Variants in TRMT2B observed in about 807,000 individuals in gnomAD.
The protein encoded by TRMT2B is tRNA methyltransferase 2B.
In TRMT2B, 34 loss-of-function variants were observed where a neutral mutation model predicts 39.7. The ratio of observed to expected loss-of-function variants is 0.86; its 90% CI spans 0.65 to 1.14. The LOEUF is 1.14. TRMT2B is among the 50% of genes most tolerant of loss of function. TRMT2B has a pLI of 0.00. For missense variants in TRMT2B, 318 were observed against 377.2 expected (o/e 0.84, Z 1.30); for synonymous variants, 132 against 137.3 (o/e 0.96, Z 0.27).
chrX:100,987,413 C>T, the TRMT2B span: 4 of 1,210,864 alleles, frequency 3.3e-6, no homozygotes, highest in Non-Finnish European at 4.5e-6. Context: ...CCATCAGAAA[C>T]CTTGAAAGAA....
the TRMT2B span, chrX:100,985,819 G>A: frequency 3.3e-6 from 4 of 1,209,665 alleles, no homozygotes; most frequent in South Asian, 1.8e-5. Context: ...GCTTGTTTTC[G>A]TCCTGGATTC....
rs2086785100 is a variant in TRMT2B, at chrX:101,021,181, G to A, written c.986C>T (p.Ala329Val). 1 of 1,210,956 alleles carries A rather than the reference G, an allele frequency of 8.3e-7. No homozygotes were observed. The highest frequency in any genetic ancestry group is 1.8e-5 in the South Asian group (1 of 56,964). ...DAFFQINTAG[A>V]EMLYRTVGEL... ...CCCCACAGTCCGATACAGCATCTCT[G>A]CACCAGCTGTGTTAATCTGGAAAAA... Residue 329 changes from alanine (A) to valine (V), a missense_variant, in exon 10 of 14, where the codon GCA becomes GTA. By Grantham distance (64) the Ala-to-Val change is moderately conservative. Coordinates refer to ENST00000372936, the MANE Select transcript of TRMT2B (RefSeq NM_024917.6).
At chrX:100,980,844 G>T in the TRMT2B span, among the ~76,000 whole-genome samples, 1 of 111,664 alleles carries the variant, frequency 9.0e-6, no homozygotes, top group Non-Finnish European at 1.9e-5. Flanking sequence ...TCCTTTCAGG[G>T]CACTGGGTTC....
rs1247918870 is a variant in TRMT2B at position 101,045,369 on chromosome X, G to A, written c.-23-3057C>T. On this transcript the variant is annotated intron_variant, in intron 2 of 13. Transcript: ENST00000372936. ...CTCGGGAGGCTGAGGCAGGAGAATC[G>A]CTTGAACTCAGGAGGCGGAGGTTGC... 7.6e-5 allele frequency among the ~76,000 whole-genome samples: 8 copies of A among 104,692 alleles called. No individual in the cohort carries two copies. The East Asian group carries it at 1.2e-3, about 16-fold the overall frequency. 90.9% of individuals were successfully genotyped at this position (104,692 alleles called of 115,157 possible). A position where few individuals can be genotyped will look rare whatever the true frequency, so the allele number is the denominator to read the frequency against.
At chrX:100,984,900 G>T in the TRMT2B span, among the ~76,000 whole-genome samples, 2 of 112,140 alleles carry the variant, frequency 1.8e-5, no homozygotes, top group Non-Finnish European at 1.9e-5. Flanking sequence ...TTGGCATCAT[G>T]AATGTAATGG....
At chrX:101,018,574 C>T (rs981197786) in intron 13 of TRMT2B, among the ~76,000 whole-genome samples, 45 of 109,500 alleles carry the variant, frequency 4.1e-4, no homozygotes, top group African/African-American at 1.3e-3. Flanking sequence ...CTCAACCACC[C>T]GAGTAGCTGG....
At chrX:101,023,991 A>G (rs533090428) in intron 7 of TRMT2B, among the ~76,000 whole-genome samples, 1 of 110,967 alleles carries the variant, frequency 9.0e-6, no homozygotes, top group South Asian at 3.9e-4. Context: ...GGGATCACAG[A>G]TGCCCACCAC....
At chrX:101,000,112 TGA>T in the TRMT2B span, among the ~76,000 whole-genome samples, 2 of 94,490 alleles carry the variant, frequency 2.1e-5, no homozygotes, top group African/African-American at 8.3e-5. Context: ...CTCACATGTA[TGA>T]GAGTTAATTT....
chrX:101,047,611 C>T (rs1039583879), intron 2 of TRMT2B, among the ~76,000 whole-genome samples: 1 of 109,771 alleles, frequency 9.1e-6, no homozygotes, highest in Non-Finnish European at 1.9e-5. Flanking sequence ...GTAGGCGGAT[C>T]ACCTGAGGTC....
the TRMT2B span, among the ~76,000 whole-genome samples, chrX:100,978,082 T>C: frequency 3.6e-5 from 4 of 112,523 alleles, no homozygotes; most frequent in Non-Finnish European, 7.5e-5. Flanking sequence ...GGAACTTTCA[T>C]AGTGGAACAT....
chrX:101,030,451 A>ATTTTTTTTTTTTTT lies in TRMT2B; in HGVS notation c.609+5161_609+5162insAAAAAAAAAAAAAA, dbSNP rs1248355991. On this transcript the variant is annotated intron_variant, in intron 7 of 13. Transcript: ENST00000372936. The stretch of plus-strand genomic sequence containing the variant: ...GCAGGAAAAGCCTATATAGATCTGC[A>ATTTTTTTTTTTTTT]TTCTTTTTTTTTTTTTTCAGATGGA... Among the ~76,000 whole-genome samples the ATTTTTTTTTTTTTT allele has an allele frequency of 2.4e-3, 110 of 46,461 alleles. 4 individuals are homozygous for ATTTTTTTTTTTTTT. The highest frequency in any genetic ancestry group is 3.3e-3 in the Non-Finnish European group (83 of 25,428). 40.3% of individuals were successfully genotyped at this position (46,461 alleles called of 115,157 possible). A position where few individuals can be genotyped will look rare whatever the true frequency, so the allele number is the denominator to read the frequency against.
At chrX:101,015,239 G>A (rs942363522) in intron 13 of TRMT2B, among the ~76,000 whole-genome samples, 1 of 111,348 alleles carries the variant, frequency 9.0e-6, no homozygotes, top group African/African-American at 3.3e-5. Flanking sequence ...TTTTATGTGT[G>A]TGAGAGTATC....
At chrX:101,035,186 A>G (rs953339811) in intron 7 of TRMT2B, among the ~76,000 whole-genome samples, 1 of 111,273 alleles carries the variant, frequency 9.0e-6, no homozygotes, top group African/African-American at 3.3e-5. Flanking sequence ...CATCCAAGAA[A>G]GAAAGAAAAG....
chrX:100,994,155 C>T, the TRMT2B span, among the ~76,000 whole-genome samples: 1 of 111,392 alleles, frequency 9.0e-6, no homozygotes, highest in Non-Finnish European at 1.9e-5. Context: ...TTACAACCAA[C>T]GCCTCCCATA....
chrX:100,992,511 G>A, the TRMT2B span, among the ~76,000 whole-genome samples: 1 of 111,212 alleles, frequency 9.0e-6, no homozygotes, highest in East Asian at 2.8e-4. Context: ...AACCCCAGAG[G>A]TGGAGGTTGC....
downstream of TRMT2B, among the ~76,000 whole-genome samples, chrX:101,008,046 CTG>C (rs1410915331): frequency 9.0e-6 from 1 of 111,417 alleles, no homozygotes; most frequent in Non-Finnish European, 1.9e-5. Flanking sequence ...ACTGAGTAAA[CTG>C]TTATATTCAT....
the TRMT2B span, among the ~76,000 whole-genome samples, chrX:100,982,241 A>C: frequency 6.3e-5 from 7 of 111,272 alleles, no homozygotes; most frequent in Admixed American, 5.7e-4. Context: ...CTGTAATCCC[A>C]GCACTTTGGG....
Position 101,023,526 on chromosome X carries a change from T to G in TRMT2B, c.700A>C (p.Asn234His), listed in dbSNP as rs1278850415. The change falls in exon 8 of 14, where the codon AAT (asparagine) becomes CAT (histidine). Residue 234 changes from asparagine to histidine, a missense_variant. Asn to His is a moderately conservative substitution (Grantham distance 68). Transcript: ENST00000372936. ...ATAGCCATTGTGTGCCCTTGGCTATTGGTGCGGACTGTGAGCTCACGCCAG... is the reference window on the plus strand; with the variant it reads ...ATAGCCATTGTGTGCCCTTGGCTATGGGTGCGGACTGTGAGCTCACGCCAG... Reference protein sequence around the residue: ...GYWRELTVRTNSQGHTMAIIT... With the variant: ...GYWRELTVRTHSQGHTMAIIT... 8.3e-7 allele frequency: 1 copy of G among 1,210,558 alleles called. No individual in the cohort carries two copies. Among genetic ancestry groups the G allele is most frequent in the Non-Finnish European group, 1.1e-6 (1 of 894,484 alleles).
At chrX:101,009,203 G>A (rs1376638389), downstream of TRMT2B, 3 of 111,963 alleles carry the variant, frequency 2.7e-5, no homozygotes, top group African/African-American at 9.7e-5. Flanking sequence ...CAGTTAACCT[G>A]ATATCACTTT....
Sources: allele counts gnomAD v4.1 joint callset (sites outside exome capture counted in the v4.1 genomes callset), GRCh38; gene constraint gnomAD v4.1.1; transcripts MANE v1.5; gene names NCBI Gene and HGNC (gene_info 2026-07-23, HGNC 2026-07-21).